DHRSX: variants seen among roughly 807,000 people sequenced by gnomAD.
DHRSX encodes the protein polyprenol dehydrogenase.
In DHRSX, 31 loss-of-function variants were observed where a neutral mutation model predicts 34.0. The ratio of observed to expected loss-of-function variants is 0.91; its 90% CI spans 0.69 to 1.23. The LOEUF is 1.23. DHRSX is among the 50% of genes most tolerant of loss of function. DHRSX has a pLI of 0.00. For missense variants in DHRSX, 414 were observed against 428.1 expected, an observed-to-expected ratio of 0.97 and a Z score of 0.29; for synonymous variants, 201 against 183.8, an observed-to-expected ratio of 1.09 and a Z score of -0.76.
chrX:2,370,514 A>G (rs2043044684), intron 3 of DHRSX, among the ~76,000 whole-genome samples: 1 of 149,722 alleles, frequency 6.7e-6, no homozygotes. Context: ...CCATCATTCC[A>G]CACAACTGTG....
At chrX:2,399,111 T>C (rs1336370302) in intron 3 of DHRSX, among the ~76,000 whole-genome samples, 3 of 120,934 alleles carry the variant, frequency 2.5e-5, no homozygotes, top group African/African-American at 6.8e-5. Context: ...GCCTCGGCCA[T>C]AGAGATTTGG....
intron 3 of DHRSX, among the ~76,000 whole-genome samples, chrX:2,310,544 A>ATGTGTGTGTG (rs1385229424): frequency 2.4e-4 from 36 of 149,856 alleles, no homozygotes; most frequent in African/African-American, 8.4e-4. Context: ...GTGTGTGTAT[A>ATGTGTGTGTG]TGTGTGTGTG....
intron 3 of DHRSX, among the ~76,000 whole-genome samples, chrX:2,330,079 G>GAA (rs2042440198): frequency 5.2e-5 from 1 of 19,212 alleles, no homozygotes; most frequent in Non-Finnish European, 1.3e-4. Context: ...ACGGCGGGGG[G>GAA]GGGGGGGGGG....
chrX:2,229,806 C>T (rs1260191253), intron 6 of DHRSX, among the ~76,000 whole-genome samples: 3 of 151,520 alleles, frequency 2.0e-5, no homozygotes, highest in African/African-American at 7.3e-5. Flanking sequence ...TGTGTTTGCA[C>T]ATGTGTATAT....
intron 1 of DHRSX, among the ~76,000 whole-genome samples, chrX:2,442,088 C>T (rs749701306): frequency 9.9e-5 from 15 of 152,208 alleles, no homozygotes; most frequent in African/African-American, 2.4e-4. Flanking sequence ...ACATTCTCAA[C>T]ACATGTTTGT....
At chrX:2,309,935 T>C (rs927010552) in intron 3 of DHRSX, among the ~76,000 whole-genome samples, 1 of 151,966 alleles carries the variant, frequency 6.6e-6, no homozygotes, top group African/African-American at 2.4e-5. Flanking sequence ...TAATATAAAA[T>C]AAAAACCCAT....
At chrX:2,260,705 C>T (rs2041352627) in intron 5 of DHRSX, among the ~76,000 whole-genome samples, 1 of 152,026 alleles carries the variant, frequency 6.6e-6, no homozygotes, top group South Asian at 2.1e-4. Flanking sequence ...AGGTGATCTG[C>T]TCACCTTGGC....
intron 4 of DHRSX, among the ~76,000 whole-genome samples, chrX:2,285,046 A>G (rs1229990617): frequency 3.3e-5 from 5 of 152,118 alleles, no homozygotes; most frequent in African/African-American, 1.2e-4. Flanking sequence ...TTCTGGGGAA[A>G]TAGTTTAGGG....
chrX:2,490,903 C>T, intron 1 of DHRSX: 2 of 769,218 alleles, frequency 2.6e-6, no homozygotes, highest in Non-Finnish European at 4.2e-6. Context: ...GACGGCTGGA[C>T]CTTCCTTGCG....
In DHRSX at chrX:2,449,505, G is replaced by A. The variant is rs1381666287; in HGVS notation, c.110-24201C>T. Among the ~76,000 whole-genome samples the A allele has an allele frequency of 3.3e-5, 5 of 152,002 alleles. 1 individual carries two copies. The highest frequency in any genetic ancestry group is 1.2e-4 in the African/African-American group (5 of 41,378). ...TTTCCTATCTTTTTAAATTTATTGT[G>A]GTTGAGACAGGGTCACACCCAGGCG... On this transcript the variant is annotated intron_variant, in intron 1 of 6. Coordinates refer to ENST00000334651, the MANE Select transcript of DHRSX (RefSeq NM_145177.3).
At chrX:2,325,833 T>C (rs887921537) in intron 3 of DHRSX, among the ~76,000 whole-genome samples, 1 of 116,778 alleles carries the variant, frequency 8.6e-6, no homozygotes, top group Admixed American at 8.7e-5. Context: ...CCTTTCTCTA[T>C]AGAGAAAACC....
intron 1 of DHRSX, chrX:2,489,572 T>C: frequency 6.2e-7 from 1 of 1,612,334 alleles, no homozygotes; most frequent in Non-Finnish European, 8.5e-7. Context: ...CAGCATGAGG[T>C]GGTGGTTGTT....
At chrX:2,406,317 G>A (rs1184811331) in intron 3 of DHRSX, among the ~76,000 whole-genome samples, 1 of 151,938 alleles carries the variant, frequency 6.6e-6, no homozygotes, top group Non-Finnish European at 1.5e-5. Flanking sequence ...AATAAACAAA[G>A]AAAAGGTACT....
intron 3 of DHRSX, among the ~76,000 whole-genome samples, chrX:2,346,960 C>G (rs1242506140): frequency 3.9e-5 from 6 of 152,166 alleles, no homozygotes; most frequent in Non-Finnish European, 5.9e-5. Context: ...TCATCCATGT[C>G]CCTGCAAAGG....
intron 2 of DHRSX, among the ~76,000 whole-genome samples, chrX:2,419,124 T>C (rs1258123753): frequency 2.0e-5 from 3 of 152,198 alleles, no homozygotes; most frequent in Non-Finnish European, 4.4e-5. Flanking sequence ...CCCTCCAAAG[T>C]TCCTATGTTG....
chrX:2,244,656 G>A (rs746059536), intron 5 of DHRSX, among the ~76,000 whole-genome samples: 1 of 151,664 alleles, frequency 6.6e-6, no homozygotes, highest in East Asian at 1.9e-4. Flanking sequence ...TTTCAAGGTG[G>A]CTGAAGGTTC....
At chrX:2,227,282 A>T (rs2015688667) in intron 6 of DHRSX, among the ~76,000 whole-genome samples, 1 of 151,910 alleles carries the variant, frequency 6.6e-6, no homozygotes, top group Non-Finnish European at 1.5e-5. Context: ...TGAAGGGTTG[A>T]GTGAAAGGGA....
At chrX:2,428,050 A>C (rs1212762895) in intron 1 of DHRSX, among the ~76,000 whole-genome samples, 2 of 152,174 alleles carry the variant, frequency 1.3e-5, no homozygotes, top group Non-Finnish European at 2.9e-5. Context: ...GCGGGAATTA[A>C]ATAATGTGTA....
chrX:2,249,771 G>C (rs1248221028), intron 5 of DHRSX, among the ~76,000 whole-genome samples: 1 of 150,936 alleles, frequency 6.6e-6, no homozygotes, highest in Non-Finnish European at 1.5e-5. Context: ...TGAACCGCCC[G>C]CCTTGGCCTC....
Sources: allele counts gnomAD v4.1 joint callset (sites outside exome capture counted in the v4.1 genomes callset), GRCh38; gene constraint gnomAD v4.1.1; transcripts MANE v1.5; gene names NCBI Gene and HGNC (gene_info 2026-07-23, HGNC 2026-07-21).